Variants in ACSM5 observed in about 807,000 individuals in gnomAD.
ACSM5 encodes acyl-CoA synthetase medium chain family member 5, also known as acyl-coenzyme A synthetase ACSM5, mitochondrial.
A neutral mutation model predicts 71.6 loss-of-function variants in ACSM5; 56 were observed. That is an observed-to-expected ratio of 0.78 (90% CI 0.63 to 0.98). The LOEUF (loss-of-function observed/expected upper bound fraction) is 0.98, where lower values mean the gene tolerates loss of function less well. Ranked by LOEUF, ACSM5 falls within the 50% of genes least tolerant of loss-of-function variation. The pLI is 0.00. For missense variants in ACSM5, 723 were observed against 726.0 expected (o/e 1.00, Z 0.05); for synonymous variants, 285 against 281.5 (o/e 1.01, Z -0.12).
At chr16:20,425,795 T>C (rs1292104407) in intron 6 of ACSM5, among the ~76,000 whole-genome samples, 4 of 152,082 alleles carry the variant, frequency 2.6e-5, no homozygotes, top group Admixed American at 6.6e-5. Flanking sequence ...TTCCATTATA[T>C]ATATTTATAT....
At chr16:20,412,194 T>TAA in intron 2 of ACSM5, 1 of 154,384 alleles carries the variant, frequency 6.5e-6, no homozygotes, top group Non-Finnish European at 1.4e-5. Flanking sequence ...AAAAATAAAA[T>TAA]AAAAAAAAAT....
chr16:20,431,268 G>A lies in ACSM5; in HGVS notation c.1255G>A (p.Val419Ile). 6 of 1,614,200 alleles carry A rather than the reference G, an allele frequency of 3.7e-6. No individual in the cohort carries two copies. Among genetic ancestry groups the A allele is most frequent in the Non-Finnish European group, 4.2e-6 (5 of 1,180,032 alleles). The change falls in exon 10 of 14, where the codon GTT (valine) becomes ATT (isoleucine). Residue 419 changes from valine to isoleucine, a missense_variant. Val to Ile is a conservative substitution (Grantham distance 29, BLOSUM62 3). Transcript: ENST00000331849. Reference sequence around the variant, plus strand: ...CCTGCCTCCTGGAGAAGAGGGGAATGTTGCCGTCCGTATCAGACCCACTCG... The same window carrying A: ...CCTGCCTCCTGGAGAAGAGGGGAATATTGCCGTCCGTATCAGACCCACTCG... ...NVLPPGEEGN[V>I]AVRIRPTRPF... is the part of the protein sequence containing the mutation.
At chr16:20,418,884 C>T (rs994043084) in intron 3 of ACSM5, among the ~76,000 whole-genome samples, 2 of 152,156 alleles carry the variant, frequency 1.3e-5, no homozygotes, top group South Asian at 4.1e-4. Context: ...AATAAAAGAA[C>T]CAGTGATATT....
chr16:20,417,354 T>C (rs1323433874), intron 2 of ACSM5, among the ~76,000 whole-genome samples: 2 of 152,246 alleles, frequency 1.3e-5, no homozygotes, highest in Non-Finnish European at 2.9e-5. Flanking sequence ...ATCCATACAG[T>C]GGAATATTAT....
In ACSM5 at chr16:20,418,099, A is replaced by G. The variant is rs763891806; in HGVS notation, c.245A>G (p.Asn82Ser). The change falls in exon 3 of 14, where the codon AAT (asparagine) becomes AGT (serine). Residue 82 changes from asparagine (N) to serine (S), a missense_variant. Coordinates refer to ENST00000331849, the MANE Select transcript of ACSM5 (RefSeq NM_017888.3). ...RPPNPAFWWV[N>S]GTGAEIKWSF... ...CCAAATCCTGCCTTCTGGTGGGTCA[A>G]TGGCACAGGAGCAGAGATCAAGTGG... 2.5e-6 allele frequency: 4 copies of G among 1,613,848 alleles called. No homozygotes were observed. The highest frequency in any genetic ancestry group is 2.2e-5 in the East Asian group (1 of 44,872).
rs1192725385 is a variant in ACSM5 at position 20,441,234 on chromosome 16, G to A, written c.*807G>A. ...AGGGAGGGAGAGAAAATAATGGATG[G>A]TAGTTTTTCTTCTTCCTTTTTCCAT... On this transcript the variant is annotated 3_prime_UTR_variant, in exon 14 of 14. Transcript: ENST00000331849. 3 of 152,272 alleles carry A rather than the reference G, an allele frequency of 2.0e-5. No homozygotes were observed. Among genetic ancestry groups the A allele is most frequent in the Non-Finnish European group, 4.4e-5 (3 of 68,028 alleles). 9.4% of individuals were successfully genotyped at this position (152,272 alleles called of 1,614,324 possible).
intron 5 of ACSM5, among the ~76,000 whole-genome samples, chr16:20,421,615 C>CCA (rs1966882281): frequency 9.4e-6 from 1 of 105,832 alleles, no homozygotes; most frequent in Non-Finnish European, 1.9e-5. Flanking sequence ...TAAATCGTGG[C>CCA]TATATATATA....
intron 2 of ACSM5, among the ~76,000 whole-genome samples, chr16:20,413,623 T>C (rs1179464811): frequency 6.6e-6 from 1 of 152,236 alleles, no homozygotes; most frequent in Non-Finnish European, 1.5e-5. Context: ...CCAATGTCTA[T>C]GGGAGCTTTA....
intron 1 of ACSM5, 47 bp from the exon 2 acceptor site, chr16:20,411,423 A>G: frequency 2.6e-6 from 4 of 1,552,888 alleles, no homozygotes; most frequent in Non-Finnish European, 3.5e-6. Context: ...GTTGTCCCCA[A>G]AGCCCAGAAT....
Position 20,424,003 on chromosome 16 carries a change from C to G in ACSM5, c.855C>G (p.Ala285=), listed in dbSNP as rs1596616819. 1 of 1,614,180 alleles carries G rather than the reference C, an allele frequency of 6.2e-7. No homozygotes were observed. The highest frequency in any genetic ancestry group is 1.1e-5 in the South Asian group (1 of 91,084). ...WVKAAWTLFS[A]WPNGSCIFVH... is the part of the protein sequence containing the mutation. ...AGGCAGCCTGGACTCTCTTCTCTGC[C>G]TGGCCTAATGGATCTTGCATTTTTG... The change falls in exon 6 of 14, where the codon GCC becomes GCG. Residue 285 remains alanine (A), a synonymous_variant. Transcript: ENST00000331849.
chr16:20,436,578 C>G (rs1967205281), intron 10 of ACSM5, among the ~76,000 whole-genome samples: 1 of 152,108 alleles, frequency 6.6e-6, no homozygotes, highest in Admixed American at 6.5e-5. Context: ...ACTATGTTGG[C>G]CAGCTGGTCT....
At chr16:20,427,284 A>AGT (rs1967001094) in intron 6 of ACSM5, among the ~76,000 whole-genome samples, 1 of 152,152 alleles carries the variant, frequency 6.6e-6, no homozygotes, top group South Asian at 2.1e-4. Context: ...TGGGTGACAG[A>AGT]GTGAGACTCC....
At chr16:20,436,031 CTTTT>C (rs142740705) in intron 10 of ACSM5, among the ~76,000 whole-genome samples, 60,873 of 139,884 alleles carry the variant, frequency 0.44, 13,690 homozygotes, top group East Asian at 0.77. Flanking sequence ...TTCTTTCTTT[CTTTT>C]TCTTTCTTTC....
Position 20,440,572 on chromosome 16 carries a change from C to T in ACSM5, c.*145C>T, listed in dbSNP as rs1366851632. ...CTTCCAAACGGCATCCCCAGGATCA[C>T]TGGGCAATGCTGGAAAGAGCAAAAG... On this transcript the variant is annotated 3_prime_UTR_variant, in exon 14 of 14. Transcript: ENST00000331849. 84 of 686,352 alleles carry T rather than the reference C, an allele frequency of 1.2e-4. 1 individual carries two copies. Among genetic ancestry groups the T allele is most frequent in the Non-Finnish European group, 1.9e-4 (73 of 389,066 alleles). 42.5% of individuals were successfully genotyped at this position (686,352 alleles called of 1,614,324 possible). A position where few individuals can be genotyped will look rare whatever the true frequency, so the allele number is the denominator to read the frequency against.
intron 2 of ACSM5, among the ~76,000 whole-genome samples, chr16:20,416,791 A>G (rs1053807113): frequency 7.2e-5 from 11 of 152,148 alleles, no homozygotes; most frequent in Admixed American, 3.9e-4. Flanking sequence ...TATCTGAAAA[A>G]TCACATATTG....
At chr16:20,412,821 G>T (rs1408479487) in intron 2 of ACSM5, among the ~76,000 whole-genome samples, 1 of 152,178 alleles carries the variant, frequency 6.6e-6, no homozygotes, top group Admixed American at 6.6e-5. Flanking sequence ...TCAAAGAATT[G>T]TATTCATGTT....
intron 2 of ACSM5, among the ~76,000 whole-genome samples, chr16:20,415,054 T>C (rs543376366): frequency 1.3e-5 from 2 of 152,328 alleles, no homozygotes; most frequent in East Asian, 3.9e-4. Context: ...TTATAAGGGA[T>C]AAGCTTGGAT....
intron 10 of ACSM5, 94 bp downstream of exon 10, chr16:20,431,415 A>G: frequency 4.0e-6 from 4 of 1,003,024 alleles, no homozygotes; most frequent in Non-Finnish European, 6.3e-6. Context: ...TAATCCTTAC[A>G]ATGACTGCAT....
intron 2 of ACSM5, among the ~76,000 whole-genome samples, chr16:20,412,920 T>C (rs967959673): frequency 6.6e-5 from 10 of 152,190 alleles, no homozygotes; most frequent in Non-Finnish European, 8.8e-5. Context: ...GCAGATGTAG[T>C]GAAACTTATG....
Sources: gnomAD v4.1 joint callset for allele counts (sites outside exome capture counted in the v4.1 genomes callset) on GRCh38, gnomAD v4.1.1 for gene constraint, MANE v1.5 for transcripts, NCBI Gene and HGNC (gene_info 2026-07-23, HGNC 2026-07-21) for gene names.